Variants in DCSTAMP observed in about 807,000 individuals in gnomAD.
The protein encoded by DCSTAMP is dendritic cell-specific transmembrane protein.
DCSTAMP carries 25 observed loss-of-function variants against 33.8 expected under a neutral mutation model. The ratio of observed to expected loss-of-function variants is 0.74; its 90% CI spans 0.54 to 1.03. The LOEUF is 1.03. Among genes scored for constraint, DCSTAMP ranks in the 50% least tolerant of loss-of-function variants. The pLI, the probability that DCSTAMP is intolerant of heterozygous loss-of-function variation, is 0.00. For synonymous variants in DCSTAMP, 245 were observed against 216.7 expected, an observed-to-expected ratio of 1.13 and a Z score of -1.15; for missense variants, 531 against 556.8, an observed-to-expected ratio of 0.95 and a Z score of 0.47.
At chr8:104,352,304 T>A (rs1810482523) in intron 2 of DCSTAMP, among the ~76,000 whole-genome samples, 1 of 152,180 alleles carries the variant, frequency 6.6e-6, no homozygotes, top group Non-Finnish European at 1.5e-5. Context: ...CTGAGTCCCC[T>A]GAAGAATCCC....
intron 1 of DCSTAMP, among the ~76,000 whole-genome samples, chr8:104,345,407 C>T (rs1208484940): frequency 1.3e-5 from 2 of 152,126 alleles, no homozygotes; most frequent in Non-Finnish European, 2.9e-5. Flanking sequence ...TGCTCTGGAG[C>T]TTGAGCTGTA....
Position 104,348,946 on chromosome 8 carries a change from A to C in DCSTAMP, c.394A>C (p.Lys132Gln). 2 of 1,614,236 alleles carry C rather than the reference A, an allele frequency of 1.2e-6. No homozygotes were observed. The highest frequency in any genetic ancestry group is 1.7e-6 in the Non-Finnish European group (2 of 1,180,048). Residue 132 changes from lysine to glutamine, a missense_variant, in exon 2 of 4, where the codon AAG (lysine) becomes CAG (glutamine). Coordinates refer to ENST00000297581, the MANE Select transcript of DCSTAMP (RefSeq NM_030788.4). ...LDGMTCNLRAKSFSIHFPLLK... is the reference protein window; with the variant it reads ...LDGMTCNLRAQSFSIHFPLLK... ...TGGTATGACTTGCAACCTAAGGGCAAAGAGCTTTTCCATACATTTTCCACT... is the reference window on the plus strand; with the variant it reads ...TGGTATGACTTGCAACCTAAGGGCACAGAGCTTTTCCATACATTTTCCACT...
Position 104,348,476 on chromosome 8 carries a change from G to A in DCSTAMP, c.-12-65G>A, listed in dbSNP as rs1048169807. The A allele has an allele frequency of 5.4e-6, 8 of 1,493,492 alleles. No individual in the cohort carries two copies. The East Asian group carries it at 1.6e-4, about 30-fold the overall frequency. 92.5% of individuals were successfully genotyped at this position (1,493,492 alleles called of 1,614,324 possible). On this transcript the variant is annotated intron_variant, in intron 1 of 3. Transcript: ENST00000297581. ...TTTTTGTAGTCAGTCTACCACCATG[G>A]CCTTTACGAAGGTCAGAGGACATTC...
chr8:104,343,600 A>T (rs1295525406), intron 1 of DCSTAMP, among the ~76,000 whole-genome samples: 1 of 152,226 alleles, frequency 6.6e-6, no homozygotes, highest in Non-Finnish European at 1.5e-5. Context: ...ATCTGATAGG[A>T]CTAGTGTCCC....
chr8:104,350,374 C>T (rs1353415939), intron 2 of DCSTAMP, among the ~76,000 whole-genome samples: 1 of 152,236 alleles, frequency 6.6e-6, no homozygotes, highest in Non-Finnish European at 1.5e-5. Flanking sequence ...CTTCAAGCAC[C>T]TTCTCTGAGT....
chr8:104,349,322 G>C lies in DCSTAMP; in HGVS notation c.770G>C (p.Arg257Thr), dbSNP rs1283395719. Residue 257 changes from arginine to threonine, a missense_variant, in exon 2 of 4, where the codon AGG becomes ACG. Arg to Thr is a moderately conservative substitution (Grantham distance 71, BLOSUM62 -1). Transcript: ENST00000297581. ...AGACAATTTGTTCAGTTTGATGAAA[G>C]GGAGAGACATCAACAGAGGCCCTGT... ...ITRQFVQFDE[R>T]ERHQQRPCVL... 1.9e-6 allele frequency: 3 copies of C among 1,614,072 alleles called. No individual in the cohort carries two copies. The highest frequency in any genetic ancestry group is 2.5e-6 in the Non-Finnish European group (3 of 1,180,052).
At position 104,349,185 on chromosome 8, in the gene DCSTAMP, T is replaced by C; in HGVS notation, c.633T>C (p.Gly211=). 6.2e-7 allele frequency: 1 copy of C among 1,614,230 alleles called. No homozygotes were observed. Among genetic ancestry groups the C allele is most frequent in the Non-Finnish European group, 8.5e-7 (1 of 1,180,046 alleles). ...CCACAGAGGTGTTGTCCTCCCTGGG[T>C]CAGAAGCTACTTGCCTTTGCAGGGC... The part of the protein sequence containing the change: ...ATTTEVLSSL[G]QKLLAFAGLS... The change falls in exon 2 of 4, where the codon GGT becomes GGC. Residue 211 remains glycine, a synonymous_variant. Transcript: ENST00000297581.
rs763273589 is a variant in DCSTAMP at position 104,348,790 on chromosome 8, T to A, written c.238T>A (p.Cys80Ser). 3.1e-6 allele frequency: 5 copies of A among 1,614,180 alleles called. No homozygotes were observed. The South Asian group carries it at 5.5e-5, about 18-fold the overall frequency. ...GCTGTGTTGCTCCAAGCATGCACGA[T>A]GTTTTATTCTTCTTGTCTTTCTCTC... ...VLLCCSKHAR[C>S]FILLVFLSCG... is the part of the protein sequence containing the mutation. Residue 80 changes from cysteine to serine, a missense_variant, in exon 2 of 4, where the codon TGT (cysteine) becomes AGT (serine). By Grantham distance (112) the Cys-to-Ser change is moderately radical (BLOSUM62 -1). Coordinates refer to ENST00000297581, the MANE Select transcript of DCSTAMP (RefSeq NM_030788.4).
intron 2 of DCSTAMP, among the ~76,000 whole-genome samples, 172 bp downstream of exon 2, chr8:104,349,753 T>A (rs1810414306): frequency 6.6e-6 from 1 of 152,200 alleles, no homozygotes; most frequent in African/African-American, 2.4e-5. Context: ...TCAAATTGAA[T>A]CGAAGTCCCA....
chr8:104,351,239 G>A (rs1810453514), intron 2 of DCSTAMP, among the ~76,000 whole-genome samples: 1 of 152,198 alleles, frequency 6.6e-6, no homozygotes, highest in East Asian at 1.9e-4. Context: ...TGGATATTGT[G>A]AGACACTTGT....
At chr8:104,347,829 C>A (rs1318163917) in intron 1 of DCSTAMP, among the ~76,000 whole-genome samples, 3 of 152,140 alleles carry the variant, frequency 2.0e-5, no homozygotes, top group African/African-American at 4.8e-5. Context: ...TATTACCTCG[C>A]ATGGTAAAAG....
At chr8:104,342,886 T>A (rs554362257) in intron 1 of DCSTAMP, among the ~76,000 whole-genome samples, 1 of 152,318 alleles carries the variant, frequency 6.6e-6, no homozygotes, top group South Asian at 2.1e-4. Flanking sequence ...TAACAGTCTC[T>A]GAGTAAAATA....
rs143201547 is a variant in DCSTAMP at position 104,342,901 on chromosome 8, T to A, written c.-13+3039T>A. On this transcript the variant is annotated intron_variant, in intron 1 of 3. Transcript: ENST00000297581. ...TAACAGTCTCTGAGTAAAATATAGGTATTCACGACTGCACGATGCTGTGGA... is the reference window on the plus strand; with the variant it reads ...TAACAGTCTCTGAGTAAAATATAGGAATTCACGACTGCACGATGCTGTGGA... Among the ~76,000 whole-genome samples, 40 of 152,194 alleles carry A rather than the reference T, an allele frequency of 2.6e-4. No individual in the cohort carries two copies. In the East Asian group the frequency reaches 6.2e-3, roughly 23 times the overall value.
Position 104,356,399 on chromosome 8 carries a change from G to T in DCSTAMP, c.*201G>T. 2.3e-6 allele frequency: 1 copy of T among 433,298 alleles called. No homozygotes were observed. Among genetic ancestry groups the T allele is most frequent in the South Asian group, 3.9e-5 (1 of 25,778 alleles). The allele number at this position is 433,298 out of a possible 1,614,324, so 26.8% of individuals were successfully genotyped here. A position where few individuals can be genotyped will look rare whatever the true frequency, so the allele number is the denominator to read the frequency against. On this transcript the variant is annotated 3_prime_UTR_variant, in exon 4 of 4. Transcript: ENST00000297581. ...GAGCTGCCAGGTAAATGGTTATGTGGTCTATGTTCCAAACAAACCACATGA... is the reference window on the plus strand; with the variant it reads ...GAGCTGCCAGGTAAATGGTTATGTGTTCTATGTTCCAAACAAACCACATGA...
chr8:104,349,263 T>G lies in DCSTAMP; in HGVS notation c.711T>G (p.Pro237=). ...TCTTCATGAAGCGATTTTTGGGCCC[T>G]TGTGGTTGGAAGTATGAAAACATCT... ...TGLFMKRFLG[P]CGWKYENIYI... Residue 237 remains proline, a synonymous_variant, in exon 2 of 4, where the codon CCT becomes CCG. Transcript: ENST00000297581. The G allele has an allele frequency of 6.2e-7, 1 of 1,614,058 alleles. No homozygotes were observed. The highest frequency in any genetic ancestry group is 8.5e-7 in the Non-Finnish European group (1 of 1,179,982).
chr8:104,342,322 C>A (rs2099383047), intron 1 of DCSTAMP, among the ~76,000 whole-genome samples: 2 of 152,206 alleles, frequency 1.3e-5, no homozygotes, highest in Non-Finnish European at 2.9e-5. Flanking sequence ...GCTGCACTCT[C>A]ACAATCCGTG....
intron 2 of DCSTAMP, among the ~76,000 whole-genome samples, chr8:104,352,347 T>C (rs895858352): frequency 6.6e-6 from 1 of 152,160 alleles, no homozygotes; most frequent in Non-Finnish European, 1.5e-5. Flanking sequence ...GCTCTAGATA[T>C]TTGGAGCAGG....
intron 3 of DCSTAMP, among the ~76,000 whole-genome samples, chr8:104,355,395 A>G (rs1810596040): frequency 2.6e-5 from 4 of 152,232 alleles, no homozygotes; most frequent in Admixed American, 2.6e-4. Flanking sequence ...GGATACTACA[A>G]GATATCTTAA....
rs939678395 is a variant in DCSTAMP at position 104,355,026 on chromosome 8, G to A, written c.1179G>A (p.Leu393=). 21 of 1,613,970 alleles carry A rather than the reference G, an allele frequency of 1.3e-5. No individual in the cohort carries two copies. The highest frequency in any genetic ancestry group is 1.7e-5 in the Non-Finnish European group (20 of 1,180,008). The change falls in exon 3 of 4, where the codon TTG becomes TTA. Residue 393 remains leucine (L), a synonymous_variant. Coordinates refer to ENST00000297581, the MANE Select transcript of DCSTAMP (RefSeq NM_030788.4). ...TGATATTAGTGATGCTGGGACTGTT[G>A]TCCTCTATCCTTATGCAACTTAAAA... The part of the protein sequence containing the change: ...ILLILVMLGL[L]SSILMQLKIL...
Sources: gnomAD v4.1 joint callset for allele counts (sites outside exome capture counted in the v4.1 genomes callset) on GRCh38, gnomAD v4.1.1 for gene constraint, MANE v1.5 for transcripts, NCBI Gene and HGNC (gene_info 2026-07-23, HGNC 2026-07-21) for gene names.